The following DCAF7 variants were observed in gnomAD, a reference collection of about 807,000 sequenced individuals.
DCAF7 encodes the protein DDB1- and CUL4-associated factor 7.
DCAF7 carries 4 observed loss-of-function variants against 41.2 expected under a neutral mutation model. That is an observed-to-expected ratio of 0.10 (90% confidence interval 0.05 to 0.22). DCAF7 has a LOEUF of 0.22. DCAF7 is among the 10% of genes least tolerant of loss of function. DCAF7 has a pLI of 1.00. For synonymous variants in DCAF7, 143 were observed against 164.2 expected (o/e 0.87, Z 0.99); for missense variants, 131 against 443.2 (o/e 0.30, Z 6.32).
chr17:63,586,125 CAAAAAAAAAAAAA>C (rs545840925), intron 6 of DCAF7, among the ~76,000 whole-genome samples: 6 of 58,444 alleles, frequency 1.0e-4, no homozygotes, highest in East Asian at 5.5e-4. Flanking sequence ...ACTCTGTCTC[CAAAAAAAAAAAAA>C]AAAAAAAAAA....
chr17:63,583,370 C>A, intron 4 of DCAF7, 132 bp from the exon 5 acceptor site: 2 of 790,242 alleles, frequency 2.5e-6, no homozygotes, highest in Non-Finnish European at 4.3e-6. Context: ...CTCACAGACA[C>A]TGTTTGGGCT....
At position 63,578,539 on chromosome 17, in the gene DCAF7, C is replaced by A; in HGVS notation, c.208C>A (p.Pro70Thr). Residue 70 changes from proline (P) to threonine (T), a missense_variant, in exon 2 of 7, where the codon CCC becomes ACC. Coordinates refer to ENST00000614556, the MANE Select transcript of DCAF7 (RefSeq NM_005828.5). ...ICRNTFDHPYPTTKLMWIPDT... is the reference protein window; with the variant it reads ...ICRNTFDHPYTTTKLMWIPDT... ...CAGAAACACCTTTGACCACCCATAC[C>A]CCACCACAAAGCTCATGTGGATCCC... The A allele has an allele frequency of 1.9e-6, 3 of 1,614,000 alleles. No homozygotes were observed. Among genetic ancestry groups the A allele is most frequent in the Non-Finnish European group, 2.5e-6 (3 of 1,179,888 alleles).
intron 1 of DCAF7, among the ~76,000 whole-genome samples, chr17:63,551,746 A>G (rs1313377008): frequency 1.3e-5 from 2 of 151,954 alleles, no homozygotes; most frequent in Non-Finnish European, 2.9e-5. Context: ...TGAACATCAG[A>G]TTTAAGAAGA....
intron 1 of DCAF7, among the ~76,000 whole-genome samples, chr17:63,561,971 C>G (rs2033386676): frequency 7.0e-6 from 1 of 142,282 alleles, no homozygotes. Flanking sequence ...AGAGTGCTGT[C>G]TGTCTCCAGA....
intron 6 of DCAF7, among the ~76,000 whole-genome samples, chr17:63,588,279 C>T (rs970377533): frequency 6.7e-6 from 1 of 149,222 alleles, no homozygotes; most frequent in Admixed American, 6.7e-5. Context: ...CCTCTGCCTC[C>T]CGAGTTAAAG....
At chr17:63,579,213 T>C (rs1054798759) in intron 2 of DCAF7, 124 bp from the exon 3 acceptor site, 17 of 648,254 alleles carry the variant, frequency 2.6e-5, no homozygotes, top group East Asian at 2.8e-5. Context: ...ATTACTGTTT[T>C]TGATAAAAAT....
chr17:63,582,358 C>G (rs1427243663), intron 4 of DCAF7, among the ~76,000 whole-genome samples: 1 of 152,156 alleles, frequency 6.6e-6, no homozygotes, highest in Admixed American at 6.6e-5. Flanking sequence ...AGTCGTGTCT[C>G]CCCAGAAGTC....
At chr17:63,562,287 C>CT (rs2033390613) in intron 1 of DCAF7, among the ~76,000 whole-genome samples, 1 of 152,088 alleles carries the variant, frequency 6.6e-6, no homozygotes, top group Non-Finnish European at 1.5e-5. Context: ...ATGATGAAAA[C>CT]TAATTCCAGA....
chr17:63,554,745 G>A lies in DCAF7; in HGVS notation c.138+3930G>A, dbSNP rs548469630. Among the ~76,000 whole-genome samples the A allele has an allele frequency of 4.6e-5, 7 of 152,336 alleles. No homozygotes were observed. The East Asian group carries it at 1.2e-3, about 25-fold the overall frequency. Reference sequence around the variant, plus strand: ...CACCCGGTGTGGAATAAGCCATATAGAGATGTTAGCTGTTATTTAATTATT... The same window carrying A: ...CACCCGGTGTGGAATAAGCCATATAAAGATGTTAGCTGTTATTTAATTATT... On this transcript the variant is annotated intron_variant, in intron 1 of 6. Transcript: ENST00000614556.
At chr17:63,581,861 A>C (rs943066304) in intron 4 of DCAF7, among the ~76,000 whole-genome samples, 2 of 152,242 alleles carry the variant, frequency 1.3e-5, no homozygotes, top group African/African-American at 4.8e-5. Flanking sequence ...GAAGGCTCTC[A>C]TTGATACCTG....
intron 1 of DCAF7, among the ~76,000 whole-genome samples, chr17:63,559,420 C>CGTGT (rs2033354304): frequency 1.1e-4 from 10 of 93,460 alleles, no homozygotes; most frequent in Admixed American, 5.2e-4. Flanking sequence ...TATATATATA[C>CGTGT]GTATATATAT....
chr17:63,585,408 C>G, intron 6 of DCAF7, 80 bp downstream of exon 6: 1 of 1,286,074 alleles, frequency 7.8e-7, no homozygotes, highest in Non-Finnish European at 1.1e-6. Context: ...GTAGTTGTTA[C>G]TGTTTTCTAA....
At chr17:63,579,679 G>C (rs8077278) in intron 3 of DCAF7, 146 bp from the exon 4 acceptor site, 1 of 721,280 alleles carries the variant, frequency 1.4e-6, no homozygotes, top group Non-Finnish European at 2.3e-6. Context: ...TGACTGCCTC[G>C]GTGGCTCTGC....
intron 2 of DCAF7, 120 bp from the exon 3 acceptor site, chr17:63,579,217 T>TA (rs2033593766): frequency 1.5e-6 from 1 of 661,068 alleles, no homozygotes; most frequent in Non-Finnish European, 2.6e-6. Flanking sequence ...CTGTTTTTGA[T>TA]AAAAATGTTT....
intron 1 of DCAF7, among the ~76,000 whole-genome samples, chr17:63,569,357 A>G (rs1288293995): frequency 6.6e-6 from 1 of 151,548 alleles, no homozygotes; most frequent in African/African-American, 2.4e-5. Flanking sequence ...GGTGTGTTGG[A>G]ATAACCTATG....
chr17:63,582,738 G>A (rs111547086), intron 4 of DCAF7, among the ~76,000 whole-genome samples: 4 of 152,076 alleles, frequency 2.6e-5, no homozygotes, highest in African/African-American at 9.7e-5. Context: ...CAAAGTGCTG[G>A]GATTACAGGT....
chr17:63,568,401 C>T (rs189394212), intron 1 of DCAF7, among the ~76,000 whole-genome samples: 36 of 152,206 alleles, frequency 2.4e-4, no homozygotes, highest in African/African-American at 8.4e-4. Flanking sequence ...GTAGAAAGTT[C>T]TTAGTCTTTG....
chr17:63,578,043 G>A (rs1006382386), intron 1 of DCAF7, among the ~76,000 whole-genome samples: 3 of 152,158 alleles, frequency 2.0e-5, no homozygotes, highest in Non-Finnish European at 4.4e-5. Context: ...TTTTGATTCT[G>A]CAGTTTAGTG....
At chr17:63,576,438 A>C (rs888778429) in intron 1 of DCAF7, among the ~76,000 whole-genome samples, 5 of 151,932 alleles carry the variant, frequency 3.3e-5, no homozygotes, top group African/African-American at 1.2e-4. Context: ...CAAGAGCAAA[A>C]CTCCGTCTCA....
Sources: gnomAD v4.1 joint callset for allele counts (sites outside exome capture counted in the v4.1 genomes callset) on GRCh38, gnomAD v4.1.1 for gene constraint, MANE v1.5 for transcripts, NCBI Gene and HGNC (gene_info 2026-07-23, HGNC 2026-07-21) for gene names.